The following SORCS3 variants were observed in gnomAD, a reference collection of about 807,000 sequenced individuals.
The protein encoded by SORCS3 is VPS10 domain-containing receptor SorCS3.
SORCS3 carries 57 observed loss-of-function variants against 146.3 expected under a neutral mutation model. The observed-to-expected ratio is 0.39, with a 90% CI of 0.31 to 0.49. The LOEUF is 0.49. Ranked by LOEUF, SORCS3 falls within the 20% of genes least tolerant of loss-of-function variation. The pLI is 0.92. For missense variants in SORCS3, 1,341 were observed against 1,575.5 expected, an observed-to-expected ratio of 0.85 and a Z score of 2.52; for synonymous variants, 653 against 618.5, an observed-to-expected ratio of 1.06 and a Z score of -0.83.
At position 105,255,761 on chromosome 10, in the gene SORCS3, G is replaced by A. The variant is rs144793546; in HGVS notation, c.3297G>A (p.Pro1099=). The stretch of plus-strand genomic sequence containing the variant: ...ATTTGGTCCAGTTTGAGCTGAAGCC[G>A]GGGGTACAAGTCATTGTGTATGTCA... ...NQNLVQFELK[P]GVQVIVYVTQ... Residue 1099 remains proline, a synonymous_variant, in exon 24 of 27, where the codon CCG becomes CCA. Transcript: ENST00000369701. 4.8e-3 allele frequency: 7,768 copies of A among 1,613,666 alleles called. 44 individuals are homozygous for A. Among genetic ancestry groups the A allele is most frequent in the Middle Eastern group, 0.02 (120 of 6,060 alleles).
intron 1 of SORCS3, among the ~76,000 whole-genome samples, chr10:104,825,261 C>T (rs933116480): frequency 2.6e-5 from 4 of 152,072 alleles, no homozygotes; most frequent in African/African-American, 9.7e-5. Flanking sequence ...AGTACAATAC[C>T]CTTTAGCTGA....
intron 6 of SORCS3, among the ~76,000 whole-genome samples, chr10:105,099,841 C>T (rs1373842022): frequency 6.6e-6 from 1 of 152,190 alleles, no homozygotes; most frequent in Non-Finnish European, 1.5e-5. Flanking sequence ...CATCCTAAGG[C>T]ATATTCATTT....
chr10:105,109,722 A>G (rs1229923836), intron 7 of SORCS3, among the ~76,000 whole-genome samples: 1 of 151,886 alleles, frequency 6.6e-6, no homozygotes, highest in Non-Finnish European at 1.5e-5. Context: ...TTGTTTTTTA[A>G]CTTCAATACT....
intron 1 of SORCS3, among the ~76,000 whole-genome samples, chr10:104,657,672 C>A (rs2015649357): frequency 6.6e-6 from 1 of 152,168 alleles, no homozygotes; most frequent in Admixed American, 6.5e-5. Flanking sequence ...TCCAGCAGAG[C>A]CTGAGAGCTG....
chr10:105,183,400 T>G (rs2056454820), intron 14 of SORCS3, among the ~76,000 whole-genome samples: 1 of 152,158 alleles, frequency 6.6e-6, no homozygotes, highest in African/African-American at 2.4e-5. Flanking sequence ...CTTTTCCACT[T>G]AAAAAACTGT....
At chr10:104,962,843 G>A (rs2054804144) in intron 3 of SORCS3, among the ~76,000 whole-genome samples, 1 of 152,210 alleles carries the variant, frequency 6.6e-6, no homozygotes, top group African/African-American at 2.4e-5. Context: ...AATAACCACT[G>A]TTAACGTGAA....
Position 105,175,652 on chromosome 10 carries a change from C to A in SORCS3, c.1902-2414C>A, listed in dbSNP as rs149256002. 5.2e-4 allele frequency among the ~76,000 whole-genome samples: 79 copies of A among 152,276 alleles called. No individual in the cohort carries two copies. The East Asian group carries it at 0.015, about 28-fold the overall frequency. On this transcript the variant is annotated intron_variant, in intron 13 of 26. Coordinates refer to ENST00000369701, the MANE Select transcript of SORCS3 (RefSeq NM_014978.3). ...ATGTTTTCACTTTTGAAATGAGAAA[C>A]CTGTTTCTTTGACAAGCAATTTAGA...
rs1410242585 is a variant in SORCS3, at chr10:104,811,875, C to T, written c.628-30917C>T. Among the ~76,000 whole-genome samples the T allele has an allele frequency of 2.6e-5, 4 of 152,282 alleles. No homozygotes were observed. The East Asian group carries it at 7.7e-4, about 29-fold the overall frequency. ...CTGCCAAGAGATGTGCATCAGAAAA[C>T]ATCAATCTGGTCTCAATATATGTTA... On this transcript the variant is annotated intron_variant, in intron 1 of 26. Transcript: ENST00000369701.
At chr10:104,716,609 C>G (rs2016482757) in intron 1 of SORCS3, among the ~76,000 whole-genome samples, 1 of 152,098 alleles carries the variant, frequency 6.6e-6, no homozygotes, top group Non-Finnish European at 1.5e-5. Context: ...AAGAATTGAA[C>G]TTAAAAGAAA....
chr10:105,207,293 A>G (rs1016426426), intron 16 of SORCS3, among the ~76,000 whole-genome samples: 1 of 150,244 alleles, frequency 6.7e-6, no homozygotes, highest in Non-Finnish European at 1.5e-5. Context: ...TATTATTATT[A>G]TTATTATTAT....
At chr10:104,688,505 A>G (rs1391588374) in intron 1 of SORCS3, among the ~76,000 whole-genome samples, 1 of 152,182 alleles carries the variant, frequency 6.6e-6, no homozygotes, top group Non-Finnish European at 1.5e-5. Context: ...TACGTGCAGG[A>G]GTGCAGCGGT....
chr10:104,990,321 T>A (rs886359813), intron 4 of SORCS3, among the ~76,000 whole-genome samples: 2 of 152,236 alleles, frequency 1.3e-5, no homozygotes, highest in Admixed American at 6.5e-5. Context: ...ACATATTGAC[T>A]GCGTTCTCTT....
intron 4 of SORCS3, among the ~76,000 whole-genome samples, chr10:105,016,162 T>A (rs1320454995): frequency 1.2e-3 from 162 of 138,384 alleles, no homozygotes; most frequent in African/African-American, 4.1e-3. Flanking sequence ...TATATTTTTT[T>A]TTTTTTTTGA....
intron 22 of SORCS3, among the ~76,000 whole-genome samples, chr10:105,247,734 C>G (rs1404389756): frequency 3.7e-5 from 5 of 134,476 alleles, no homozygotes; most frequent in Non-Finnish European, 1.6e-5. Flanking sequence ...AGTGACAGAG[C>G]AAGATTCTGT....
intron 11 of SORCS3, among the ~76,000 whole-genome samples, chr10:105,162,765 G>A (rs2056276427): frequency 6.6e-6 from 1 of 152,138 alleles, no homozygotes; most frequent in Admixed American, 6.5e-5. Flanking sequence ...GGAAGGTGAG[G>A]GATGATAAGC....
intron 20 of SORCS3, among the ~76,000 whole-genome samples, chr10:105,242,432 A>ATATT (rs1564793366): frequency 0.21 from 17,888 of 84,718 alleles, 2,172 homozygotes; most frequent in South Asian, 0.3. Context: ...ATATATTTAT[A>ATATT]CATATATTTA....
intron 3 of SORCS3, among the ~76,000 whole-genome samples, chr10:104,972,357 C>T (rs988195811): frequency 1.3e-5 from 2 of 152,154 alleles, no homozygotes; most frequent in Non-Finnish European, 2.9e-5. Flanking sequence ...CTTTTCATTA[C>T]AATATTTCTG....
intron 3 of SORCS3, among the ~76,000 whole-genome samples, chr10:104,948,663 G>T (rs182258604): frequency 6.6e-6 from 1 of 152,342 alleles, no homozygotes; most frequent in African/African-American, 2.4e-5. Context: ...GGGTTGAACA[G>T]AAGTGCTTTA....
intron 12 of SORCS3, among the ~76,000 whole-genome samples, chr10:105,164,637 G>T (rs1220653466): frequency 6.6e-6 from 1 of 152,194 alleles, no homozygotes; most frequent in Non-Finnish European, 1.5e-5. Flanking sequence ...GTATGTAACA[G>T]GTCCAGATGC....
Sources: allele counts gnomAD v4.1 joint callset (sites outside exome capture counted in the v4.1 genomes callset), GRCh38; gene constraint gnomAD v4.1.1; transcripts MANE v1.5; gene names NCBI Gene and HGNC (gene_info 2026-07-23, HGNC 2026-07-21).